Variants in THRB observed in about 807,000 individuals in gnomAD.
The protein encoded by THRB is thyroid hormone receptor beta.
A neutral mutation model predicts 47.8 loss-of-function variants in THRB; 12 were observed. That is an observed-to-expected ratio of 0.25 (90% CI 0.16 to 0.41). THRB has a LOEUF of 0.41. Ranked by LOEUF, THRB falls within the 10% of genes least tolerant of loss-of-function variation. The pLI, the probability that THRB is intolerant of heterozygous loss-of-function variation, is 1.00. For missense variants in THRB, 348 were observed against 589.2 expected (o/e 0.59, Z 4.24); for synonymous variants, 218 against 212.2 (o/e 1.03, Z -0.24).
chr3:24,261,164 G>A (rs2051938035), intron 3 of THRB, among the ~76,000 whole-genome samples: 1 of 107,818 alleles, frequency 9.3e-6, no homozygotes, highest in African/African-American at 4.9e-5. Flanking sequence ...TCTTTACTTG[G>A]CCATCCTGTC....
At chr3:24,154,987 A>G (rs972231024) in intron 5 of THRB, among the ~76,000 whole-genome samples, 4 of 152,338 alleles carry the variant, frequency 2.6e-5, no homozygotes, top group African/African-American at 9.6e-5. Flanking sequence ...CAAGGTGTCC[A>G]AGAACATTAA....
intron 1 of THRB, among the ~76,000 whole-genome samples, chr3:24,342,706 T>C (rs1400278124): frequency 6.6e-6 from 1 of 152,122 alleles, no homozygotes; most frequent in African/African-American, 2.4e-5. Flanking sequence ...AGTCATGCTG[T>C]GCAAGGTACC....
chr3:24,312,128 A>G (rs1180155955), intron 2 of THRB, among the ~76,000 whole-genome samples: 1 of 152,056 alleles, frequency 6.6e-6, no homozygotes, highest in African/African-American at 2.4e-5. Flanking sequence ...CCTACTTCCC[A>G]CTATTTCAAT....
intron 4 of THRB, among the ~76,000 whole-genome samples, chr3:24,205,706 A>G (rs1050312111): frequency 3.3e-5 from 5 of 152,242 alleles, no homozygotes; most frequent in Non-Finnish European, 7.3e-5. Context: ...ACAGACTGGC[A>G]AATTGGATAA....
intron 1 of THRB, among the ~76,000 whole-genome samples, chr3:24,413,781 T>C (rs1280320260): frequency 6.6e-6 from 1 of 151,812 alleles, no homozygotes; most frequent in Non-Finnish European, 1.5e-5. Context: ...GTGTTCTCGT[T>C]GTTCAATTCC....
intron 5 of THRB, among the ~76,000 whole-genome samples, chr3:24,168,881 G>A (rs1373181600): frequency 6.6e-6 from 1 of 151,918 alleles, no homozygotes; most frequent in Non-Finnish European, 1.5e-5. Context: ...TGGGGACACA[G>A]GAGTAATCTG....
intron 6 of THRB, among the ~76,000 whole-genome samples, chr3:24,152,112 C>CT (rs796632694): frequency 6.6e-5 from 10 of 152,234 alleles, no homozygotes; most frequent in African/African-American, 2.4e-4. Context: ...TTATTAATTT[C>CT]TTTTTATTTT....
At chr3:24,270,506 C>T (rs1287850854) in intron 3 of THRB, among the ~76,000 whole-genome samples, 4 of 152,200 alleles carry the variant, frequency 2.6e-5, no homozygotes, top group East Asian at 3.8e-4. Flanking sequence ...TTATGAGCAC[C>T]TATCTATAAT....
At chr3:24,150,044 T>A (rs1242037125) in intron 6 of THRB, among the ~76,000 whole-genome samples, 1 of 152,240 alleles carries the variant, frequency 6.6e-6, no homozygotes, top group Non-Finnish European at 1.5e-5. Context: ...CTCTTCTAGT[T>A]CACTATTCAG....
At chr3:24,364,549 A>T (rs1276448949) in intron 1 of THRB, among the ~76,000 whole-genome samples, 1 of 152,200 alleles carries the variant, frequency 6.6e-6, no homozygotes, top group Non-Finnish European at 1.5e-5. Flanking sequence ...ATCTGAAAAG[A>T]TTGAATAACT....
At chr3:24,464,283 G>A (rs957514980) in intron 1 of THRB, among the ~76,000 whole-genome samples, 2 of 151,568 alleles carry the variant, frequency 1.3e-5, no homozygotes, top group Admixed American at 6.6e-5. Context: ...ATAAATGGTT[G>A]CATTAGTTTG....
At chr3:24,189,948 A>T in intron 5 of THRB, 126 bp downstream of exon 5, 2 of 909,002 alleles carry the variant, frequency 2.2e-6, no homozygotes, top group Non-Finnish European at 3.5e-6. Flanking sequence ...CTAGTAAAAG[A>T]ACAGTTGGAG....
rs1385678583 is a variant in THRB, at chr3:24,314,260, T to C, written c.-188-16889A>G. 3.3e-5 allele frequency among the ~76,000 whole-genome samples: 5 copies of C among 152,340 alleles called. No individual in the cohort carries two copies. In the East Asian group the frequency reaches 9.6e-4, roughly 29 times the overall value. On this transcript the variant is annotated intron_variant, in intron 2 of 10. Coordinates refer to ENST00000646209, the MANE Select transcript of THRB (RefSeq NM_001354712.2). ...TGAATCTAAAGCTCAAGGTATTTTTTCTACACAATTATTCATTCAGACTGT... is the reference window on the plus strand; with the variant it reads ...TGAATCTAAAGCTCAAGGTATTTTTCCTACACAATTATTCATTCAGACTGT...
At chr3:24,314,704 C>A (rs1043377937) in intron 2 of THRB, among the ~76,000 whole-genome samples, 38 of 152,176 alleles carry the variant, frequency 2.5e-4, no homozygotes, top group Non-Finnish European at 4.1e-4. Context: ...ATTCCCAATT[C>A]TTTCAGCCTT....
intron 1 of THRB, among the ~76,000 whole-genome samples, chr3:24,423,116 G>A (rs1180995664): frequency 1.3e-5 from 2 of 151,792 alleles, no homozygotes; most frequent in African/African-American, 4.8e-5. Context: ...TCCTTCTTGG[G>A]GCTTCTATCA....
At chr3:24,296,171 A>C (rs910568857) in intron 3 of THRB, among the ~76,000 whole-genome samples, 1 of 152,220 alleles carries the variant, frequency 6.6e-6, no homozygotes, top group African/African-American at 2.4e-5. Flanking sequence ...GCCTAGAGTC[A>C]AGAGCTTAGA....
At chr3:24,412,353 C>A (rs1001024931) in intron 1 of THRB, among the ~76,000 whole-genome samples, 2 of 151,648 alleles carry the variant, frequency 1.3e-5, no homozygotes, top group East Asian at 2.0e-4. Context: ...TCCAAATAAA[C>A]CCCAGTTTAT....
At chr3:24,303,065 G>C (rs1559877598) in intron 2 of THRB, among the ~76,000 whole-genome samples, 3 of 152,104 alleles carry the variant, frequency 2.0e-5, no homozygotes, top group Admixed American at 2.0e-4. Context: ...TTCTCATTTG[G>C]TTGTATTCAT....
At chr3:24,276,619 G>A (rs1055585333) in intron 3 of THRB, among the ~76,000 whole-genome samples, 3 of 152,214 alleles carry the variant, frequency 2.0e-5, no homozygotes, top group Admixed American at 2.0e-4. Context: ...AGACATGTTA[G>A]CCATTATTAT....
Sources: gnomAD v4.1 joint callset for allele counts (sites outside exome capture counted in the v4.1 genomes callset) on GRCh38, gnomAD v4.1.1 for gene constraint, MANE v1.5 for transcripts, NCBI Gene and HGNC (gene_info 2026-07-23, HGNC 2026-07-21) for gene names.